NKX2-2: variants seen among roughly 807,000 people sequenced by gnomAD.
The protein encoded by NKX2-2 is NK2 homeobox 2, also known as homeobox protein Nkx-2.2.
NKX2-2 carries 8 observed loss-of-function variants against 24.6 expected under a neutral mutation model. The ratio of observed to expected loss-of-function variants is 0.32; its 90% CI spans 0.19 to 0.59. The LOEUF is 0.59. NKX2-2 is among the 20% of genes least tolerant of loss of function. NKX2-2 has a pLI of 0.86. For synonymous variants in NKX2-2, 217 were observed against 173.3 expected, an observed-to-expected ratio of 1.25 and a Z score of -1.98; for missense variants, 381 against 373.9, an observed-to-expected ratio of 1.02 and a Z score of -0.16.
Position 21,512,011 on chromosome 20 carries a change from A to G in NKX2-2, c.734T>C (p.Met245Thr), listed in dbSNP as rs1354320095. ...SAYSAQSLQHMQYNAQYSSAS... is the reference protein window; with the variant it reads ...SAYSAQSLQHTQYNAQYSSAS... Reference sequence around the variant, plus strand: ...CGAGCTGTACTGGGCGTTGTACTGCATGTGCTGCAGCGACTGCGCGCTGTA... The same window carrying G: ...CGAGCTGTACTGGGCGTTGTACTGCGTGTGCTGCAGCGACTGCGCGCTGTA... The change falls in exon 2 of 2, where the codon ATG (methionine) becomes ACG (threonine). Residue 245 changes from methionine (M) to threonine (T), a missense_variant. Met to Thr is a moderately conservative substitution (Grantham distance 81). Around this residue, in one of 3 missense-constraint regions of NKX2-2, gnomAD observed 139 missense variants for 121.7 expected, o/e 1.14. Transcript: ENST00000377142. The G allele has an allele frequency of 6.2e-7, 1 of 1,613,460 alleles. No individual in the cohort carries two copies. The highest frequency in any genetic ancestry group is 1.1e-5 in the South Asian group (1 of 91,080).
chr20:21,513,697 A>G lies in NKX2-2; in HGVS notation c.-28T>C. The G allele has an allele frequency of 1.4e-6, 2 of 1,447,698 alleles. No individual in the cohort carries two copies. The highest frequency in any genetic ancestry group is 1.8e-6 in the Non-Finnish European group (2 of 1,097,242). The allele number at this position is 1,447,698 out of a possible 1,614,324, so 89.7% of individuals were successfully genotyped here. On this transcript the variant is annotated 5_prime_UTR_variant, in exon 1 of 2. Coordinates refer to ENST00000377142, the MANE Select transcript of NKX2-2 (RefSeq NM_002509.4). This position sits in a 1 kb window ranked among gnomAD's most constrained non-coding sequence, Gnocchi z 4.6. ...TTCGAGACCCCAAAATTTATGTCGC[A>G]AAGTTGTAGCTTCACTTGGTCAATT... is the stretch of plus-strand genomic sequence containing the variant.
In NKX2-2 at chr20:21,512,155, A is replaced by C; in HGVS notation, c.590T>G (p.Leu197Arg). 2.5e-6 allele frequency: 4 copies of C among 1,613,768 alleles called. No homozygotes were observed. The highest frequency in any genetic ancestry group is 3.4e-6 in the Non-Finnish European group (4 of 1,179,896). The change falls in exon 2 of 2, where the codon CTG (leucine) becomes CGG (arginine). Residue 197 changes from leucine to arginine, a missense_variant. This residue lies in a region of NKX2-2 where 139 missense variants were observed against 121.7 expected (regional missense o/e 1.14). Transcript: ENST00000377142. ...RAEKGMEVTPLPSPRRVAVPV... is the reference protein window; with the variant it reads ...RAEKGMEVTPRPSPRRVAVPV... ...CACGGCCACCCGGCGCGGCGAGGGC[A>C]GGGGCGTCACCTCCATACCTTTCTC...
the NKX2-2 span, among the ~76,000 whole-genome samples, chr20:21,520,336 T>G: frequency 6.6e-6 from 1 of 152,134 alleles, no homozygotes; most frequent in Non-Finnish European, 1.5e-5. Flanking sequence ...AGGCAAAATA[T>G]ACAACACTTT....
Position 21,511,898 on chromosome 20 carries a change from G to A in NKX2-2, c.*25C>T, listed in dbSNP as rs1184772692. On this transcript the variant is annotated 3_prime_UTR_variant, in exon 2 of 2. Coordinates refer to ENST00000377142, the MANE Select transcript of NKX2-2 (RefSeq NM_002509.4). ...CGCCGGGGTGGGGCCTGGGCCTGGG[G>A]CCGCGAGTCTCGTTGGGGCGGCGCT... The A allele has an allele frequency of 1.7e-5, 27 of 1,548,788 alleles. No homozygotes were observed. The highest frequency in any genetic ancestry group is 2.1e-5 in the Non-Finnish European group (24 of 1,150,032).
At chr20:21,514,680 C>T (rs1053415667), upstream of NKX2-2, among the ~76,000 whole-genome samples, 34 of 152,198 alleles carry the variant, frequency 2.2e-4, no homozygotes, top group African/African-American at 7.5e-4. Flanking sequence ...GGCCGAGCTG[C>T]GGAAATCTCT....
At chr20:21,512,750 G>C (rs1980487904) in intron 1 of NKX2-2, among the ~76,000 whole-genome samples, 2 of 152,182 alleles carry the variant, frequency 1.3e-5, no homozygotes, top group Non-Finnish European at 2.9e-5. Flanking sequence ...AGAATTTGGG[G>C]GGGGAAGTGG....
the NKX2-2 span, among the ~76,000 whole-genome samples, chr20:21,519,506 G>C: frequency 8.4e-3 from 1,274 of 152,222 alleles, 25 homozygotes; most frequent in African/African-American, 0.03. Context: ...GAAATCAATG[G>C]GGAAGGAAAA....
rs1238686654 is a variant in NKX2-2, at chr20:21,511,315, G to A, written c.*608C>T. On this transcript the variant is annotated 3_prime_UTR_variant, in exon 2 of 2. Coordinates refer to ENST00000377142, the MANE Select transcript of NKX2-2 (RefSeq NM_002509.4). ...ACAAAGAAAGGAGTTGGACCCAGAC[G>A]GGAAACAGGCCGGTCCTGAAGGTCA... 6.6e-6 allele frequency: 1 copy of A among 152,354 alleles called. No homozygotes were observed. The highest frequency in any genetic ancestry group is 1.5e-5 in the Non-Finnish European group (1 of 68,008). The allele number at this position is 152,354 out of a possible 1,614,324, so 9.4% of individuals were successfully genotyped here.
chr20:21,518,499 T>G (rs1166394814), upstream of NKX2-2, among the ~76,000 whole-genome samples: 4 of 152,168 alleles, frequency 2.6e-5, no homozygotes, highest in Admixed American at 2.6e-4. Flanking sequence ...TTCAGGCGGC[T>G]GGAGCGGGCG....
upstream of NKX2-2, among the ~76,000 whole-genome samples, chr20:21,515,597 T>TGGG (rs34811915): frequency 4.6e-3 from 508 of 111,386 alleles, 5 homozygotes; most frequent in African/African-American, 0.016. Flanking sequence ...AAAACTTTTT[T>TGGG]GGGGGGGGGG....
upstream of NKX2-2, among the ~76,000 whole-genome samples, chr20:21,515,111 C>A (rs1980592919): frequency 6.6e-6 from 1 of 152,138 alleles, no homozygotes; most frequent in African/African-American, 2.4e-5. Flanking sequence ...CCTGGCCCTG[C>A]TGCCTCTGGG....
upstream of NKX2-2, among the ~76,000 whole-genome samples, chr20:21,515,667 G>A (rs1006408224): frequency 3.0e-4 from 45 of 152,022 alleles, 1 homozygote; most frequent in Non-Finnish European, 4.6e-4. Flanking sequence ...TCAGGAAGGA[G>A]CTTTGTCTGG....
upstream of NKX2-2, among the ~76,000 whole-genome samples, chr20:21,515,596 T>G (rs1980613562): frequency 7.1e-6 from 1 of 139,922 alleles, no homozygotes. Context: ...TAAAACTTTT[T>G]TGGGGGGGGG....
intron 1 of NKX2-2, among the ~76,000 whole-genome samples, chr20:21,512,747 G>C (rs1195333456): frequency 1.3e-5 from 2 of 151,730 alleles, no homozygotes; most frequent in Admixed American, 1.3e-4. Flanking sequence ...GTGAGAATTT[G>C]GGGGGGGAAG....
chr20:21,520,140 CCCAGAGACTTT>C, the NKX2-2 span, among the ~76,000 whole-genome samples: 2 of 152,072 alleles, frequency 1.3e-5, no homozygotes, highest in Non-Finnish European at 2.9e-5. Flanking sequence ...GTTCTCCAGG[CCCAGAGACTTT>C]CAGATTCTGT....
rs759316509 is a variant in NKX2-2 at position 21,512,087 on chromosome 20, C to T, written c.658G>A (p.Ala220Thr). 1.6e-5 allele frequency: 26 copies of T among 1,613,736 alleles called. No individual in the cohort carries two copies. In the Admixed American group the frequency reaches 4.3e-4, roughly 27 times the overall value. ...AAGGTGGCGGCTGCCAGGTCCTGGG[C>T]TTTGAGCGCGTGACATGGTTTGCCG... ...RDGKPCHALK[A>T]QDLAAATFQA... Residue 220 changes from alanine (A) to threonine (T), a missense_variant, in exon 2 of 2, where the codon GCC (alanine) becomes ACC (threonine). By Grantham distance (58) the Ala-to-Thr change is moderately conservative. Around this residue, in one of 3 missense-constraint regions of NKX2-2, gnomAD observed 139 missense variants for 121.7 expected, o/e 1.14. Coordinates refer to ENST00000377142, the MANE Select transcript of NKX2-2 (RefSeq NM_002509.4).
chr20:21,513,542 T>C lies in NKX2-2; in HGVS notation c.128A>G (p.Lys43Arg). The change falls in exon 1 of 2, where the codon AAG (lysine) becomes AGG (arginine). Residue 43 changes from lysine to arginine, a missense_variant. Around this residue, in one of 3 missense-constraint regions of NKX2-2, gnomAD observed 206 missense variants for 173.1 expected, o/e 1.19. Transcript: ENST00000377142. This position sits in a 1 kb window ranked among gnomAD's most constrained non-coding sequence, Gnocchi z 4.6. ...EEENEGPEPAKRAGPLGQGAL... is the reference protein window; with the variant it reads ...EEENEGPEPARRAGPLGQGAL... ...GCCCTGCCCCAGCGGCCCGGCCCTC[T>C]TGGCTGGCTCGGGCCCCTCGTTCTC... The C allele has an allele frequency of 1.2e-6, 2 of 1,613,494 alleles. No individual in the cohort carries two copies. The highest frequency in any genetic ancestry group is 1.7e-6 in the Non-Finnish European group (2 of 1,179,780).
upstream of NKX2-2, among the ~76,000 whole-genome samples, chr20:21,518,605 C>T (rs1028053226): frequency 6.6e-6 from 1 of 152,200 alleles, no homozygotes; most frequent in Non-Finnish European, 1.5e-5. Context: ...TCTAAGTCGG[C>T]TCAGTGTTTA....
chr20:21,517,191 G>C (rs540103912), upstream of NKX2-2, among the ~76,000 whole-genome samples: 1 of 152,300 alleles, frequency 6.6e-6, no homozygotes, highest in African/African-American at 2.4e-5. Flanking sequence ...GAATCCTTCT[G>C]GGTCTCAGCT....
Sources: gnomAD v4.1 joint callset for allele counts (sites outside exome capture counted in the v4.1 genomes callset) on GRCh38, gnomAD v4.1.1 for gene constraint, gnomAD v4.1.1 regional missense constraint, Gnocchi (gnomAD v3.1) non-coding constraint, MANE v1.5 for transcripts, NCBI Gene and HGNC (gene_info 2026-07-23, HGNC 2026-07-21) for gene names.